ATF6: variants seen among roughly 807,000 people sequenced by gnomAD.
ATF6 encodes cyclic AMP-dependent transcription factor ATF-6 alpha.
ATF6 carries 53 observed loss-of-function variants against 83.6 expected under a neutral mutation model. The observed-to-expected ratio is 0.63, with a 90% CI of 0.51 to 0.80. The LOEUF is 0.80. Among genes scored for constraint, ATF6 ranks in the 30% least tolerant of loss-of-function variants. The pLI, the probability that ATF6 is intolerant of heterozygous loss-of-function variation, is 0.00. For synonymous variants in ATF6, 288 were observed against 285.8 expected (o/e 1.01, Z -0.08); for missense variants, 744 against 797.9 (o/e 0.93, Z 0.81).
chr1:161,959,592 C>G lies in ATF6; in HGVS notation c.*938C>G, dbSNP rs1014376914. Reference sequence around the variant, plus strand: ...GGCTGAGGCAGGAGAATGGCGTGAACCCGGGAGGCGGAGCTTGCAGTGAGC... The same window carrying G: ...GGCTGAGGCAGGAGAATGGCGTGAAGCCGGGAGGCGGAGCTTGCAGTGAGC... On this transcript the variant is annotated 3_prime_UTR_variant, in exon 16 of 16. Coordinates refer to ENST00000367942, the MANE Select transcript of ATF6 (RefSeq NM_007348.4). The G allele has an allele frequency of 3.4e-5, 5 of 149,210 alleles. No individual in the cohort carries two copies. Among genetic ancestry groups the G allele is most frequent in the African/African-American group, 7.4e-5 (3 of 40,362 alleles). The allele number at this position is 149,210 out of a possible 1,614,324, so 9.2% of individuals were successfully genotyped here.
In ATF6 at chr1:161,946,055, T is replaced by C. The variant is rs1026109014; in HGVS notation, c.1805-12391T>C. Among the ~76,000 whole-genome samples, 34 of 152,278 alleles carry C rather than the reference T, an allele frequency of 2.2e-4. 1 individual carries two copies. Among genetic ancestry groups the C allele is most frequent in the African/African-American group, 7.9e-4 (33 of 41,554 alleles). On this transcript the variant is annotated intron_variant, in intron 15 of 15. Coordinates refer to ENST00000367942, the MANE Select transcript of ATF6 (RefSeq NM_007348.4). ...GGGTGTCAGTCTGTCACCCAGGCTG[T>C]AGTGCGGTGGCTAGATCTCAGCTTT...
At chr1:161,784,302 T>A (rs183085409) in intron 4 of ATF6, among the ~76,000 whole-genome samples, 2 of 152,364 alleles carry the variant, frequency 1.3e-5, no homozygotes, top group African/African-American at 2.4e-5. Flanking sequence ...CCTCTGTTCA[T>A]GCCTCCATAA....
intron 15 of ATF6, among the ~76,000 whole-genome samples, chr1:161,931,391 G>A (rs116181924): frequency 6.6e-6 from 1 of 152,096 alleles, no homozygotes; most frequent in African/African-American, 2.4e-5. Context: ...TAGCAGTATC[G>A]AATTGCCTTC....
intron 4 of ATF6, among the ~76,000 whole-genome samples, chr1:161,789,909 A>G (rs1263197126): frequency 6.6e-6 from 1 of 152,222 alleles, no homozygotes; most frequent in African/African-American, 2.4e-5. Context: ...CATGCTGAGT[A>G]GGTGTTAAGG....
chr1:161,870,993 G>A (rs903383466), intron 14 of ATF6, among the ~76,000 whole-genome samples: 14 of 151,780 alleles, frequency 9.2e-5, no homozygotes, highest in African/African-American at 3.4e-4. Context: ...TCTCTGTGCA[G>A]GGATAAAGTC....
Position 161,916,313 on chromosome 1 carries a change from T to A in ATF6, c.1804+3933T>A, listed in dbSNP as rs535948972. Among the ~76,000 whole-genome samples, 9 of 152,304 alleles carry A rather than the reference T, an allele frequency of 5.9e-5. No individual in the cohort carries two copies. In the East Asian group the frequency reaches 1.7e-3, roughly 29 times the overall value. On this transcript the variant is annotated intron_variant, in intron 15 of 15. Coordinates refer to ENST00000367942, the MANE Select transcript of ATF6 (RefSeq NM_007348.4). ...ATCTATAGAAAAGTTGACAGATGAG[T>A]GCAGTAAATATCTAGAGACCCTTAA...
intron 14 of ATF6, among the ~76,000 whole-genome samples, chr1:161,883,727 C>A (rs531149357): frequency 6.6e-6 from 1 of 152,104 alleles, no homozygotes; most frequent in Admixed American, 6.5e-5. Context: ...TTAAAAAATT[C>A]TATCAGCATA....
chr1:161,930,296 T>C (rs1353101172), intron 15 of ATF6, among the ~76,000 whole-genome samples: 1 of 152,232 alleles, frequency 6.6e-6, no homozygotes, highest in Non-Finnish European at 1.5e-5. Context: ...CACAGTACAG[T>C]TTAAGCATTC....
rs145451141 is a variant in ATF6 at position 161,871,839 on chromosome 1, T to C, written c.1719+8527T>C. On this transcript the variant is annotated intron_variant, in intron 14 of 15. Coordinates refer to ENST00000367942, the MANE Select transcript of ATF6 (RefSeq NM_007348.4). The stretch of plus-strand genomic sequence containing the variant: ...TCTGGCTCCAGAAATCTATAGTTTT[T>C]ATCTGTGTGTTTGTGTGTGTGTGTG... 2.9e-4 allele frequency among the ~76,000 whole-genome samples: 43 copies of C among 147,406 alleles called. 1 individual carries two copies. The East Asian group carries it at 9.0e-3, about 31-fold the overall frequency.
At chr1:161,785,853 GT>G (rs1356497876) in intron 4 of ATF6, among the ~76,000 whole-genome samples, 1 of 151,794 alleles carries the variant, frequency 6.6e-6, no homozygotes, top group Non-Finnish European at 1.5e-5. Flanking sequence ...TCCACAATAG[GT>G]TTTGTTTTAT....
chr1:161,784,841 A>T (rs906245597), intron 4 of ATF6, among the ~76,000 whole-genome samples: 1 of 152,206 alleles, frequency 6.6e-6, no homozygotes, highest in East Asian at 1.9e-4. Context: ...ACCTGGATTA[A>T]GTCAATAGGA....
At chr1:161,938,214 T>C (rs1360440620) in intron 15 of ATF6, among the ~76,000 whole-genome samples, 1 of 152,186 alleles carries the variant, frequency 6.6e-6, no homozygotes, top group African/African-American at 2.4e-5. Flanking sequence ...TTCCTTCTGC[T>C]CTCATTTTTG....
chr1:161,934,584 G>A (rs142786768), intron 15 of ATF6, among the ~76,000 whole-genome samples: 56 of 152,272 alleles, frequency 3.7e-4, no homozygotes, highest in African/African-American at 1.3e-3. Context: ...AGTTTCTTCC[G>A]TAGTAGTTAC....
intron 7 of ATF6, among the ~76,000 whole-genome samples, chr1:161,804,641 TC>T (rs1685234321): frequency 6.6e-6 from 1 of 151,120 alleles, no homozygotes; most frequent in African/African-American, 2.4e-5. Flanking sequence ...TTTGATACAA[TC>T]ATTGTATTTA....
At chr1:161,919,199 G>T (rs1688156235) in intron 15 of ATF6, among the ~76,000 whole-genome samples, 1 of 152,172 alleles carries the variant, frequency 6.6e-6, no homozygotes, top group Non-Finnish European at 1.5e-5. Context: ...AAGAAAGTAA[G>T]TCTTTCTTTG....
intron 15 of ATF6, among the ~76,000 whole-genome samples, chr1:161,940,708 G>A (rs987265356): frequency 6.6e-6 from 1 of 152,002 alleles, no homozygotes; most frequent in African/African-American, 2.4e-5. Context: ...ACAGGCATGT[G>A]CCACCACACC....
chr1:161,880,725 A>G (rs1360417201), intron 14 of ATF6, among the ~76,000 whole-genome samples: 1 of 152,154 alleles, frequency 6.6e-6, no homozygotes, highest in Non-Finnish European at 1.5e-5. Flanking sequence ...AAGTCTTTGT[A>G]GGGACAAATG....
chr1:161,874,693 C>T (rs1687174438), intron 14 of ATF6, among the ~76,000 whole-genome samples: 1 of 151,514 alleles, frequency 6.6e-6, no homozygotes, highest in Admixed American at 6.6e-5. Context: ...GAATTCTCCC[C>T]CCAAAATGTG....
At position 161,766,436 on chromosome 1, in the gene ATF6, G is replaced by T. The variant is rs1557948548; in HGVS notation, c.76G>T (p.Asp26Tyr). The change falls in exon 1 of 16, where the codon GAT becomes TAT. Residue 26 changes from aspartate to tyrosine, a missense_variant. Physicochemically the swap from Asp to Tyr is radical, Grantham distance 160 (BLOSUM62 -3). Coordinates refer to ENST00000367942, the MANE Select transcript of ATF6 (RefSeq NM_007348.4). ...SPGLFHRLDE[D>Y]WDSALFAELG... The stretch of plus-strand genomic sequence containing the variant: ...GGGACTCTTTCACAGGCTGGATGAA[G>T]ATTGGGGTGAGTGGGATCTGAGAAT... 6.2e-7 allele frequency: 1 copy of T among 1,613,124 alleles called. No individual in the cohort carries two copies. Among genetic ancestry groups the T allele is most frequent in the Non-Finnish European group, 8.5e-7 (1 of 1,179,518 alleles).
Sources: allele counts gnomAD v4.1 joint callset (sites outside exome capture counted in the v4.1 genomes callset), GRCh38; gene constraint gnomAD v4.1.1; transcripts MANE v1.5; gene names NCBI Gene and HGNC (gene_info 2026-07-23, HGNC 2026-07-21).